Variants in SOS2 observed in about 807,000 individuals in gnomAD.
SOS2 encodes son of sevenless homolog 2.
SOS2 carries 65 observed loss-of-function variants against 148.2 expected under a neutral mutation model. The ratio of observed to expected loss-of-function variants is 0.44; its 90% confidence interval spans 0.36 to 0.54. SOS2 has a LOEUF of 0.54. Ranked by LOEUF, SOS2 falls within the 20% of genes least tolerant of loss-of-function variation. The pLI, the probability that SOS2 is intolerant of heterozygous loss-of-function variation, is 0.00. For missense variants in SOS2, 1,341 were observed against 1,590.2 expected (o/e 0.84, Z 2.67); for synonymous variants, 539 against 537.1 (o/e 1.00, Z -0.05).
intron 11 of SOS2, 57 bp from the exon 12 acceptor site, chr14:50,157,178 G>A (rs1884848963): frequency 2.6e-6 from 4 of 1,568,392 alleles, no homozygotes; most frequent in Non-Finnish European, 3.4e-6. Context: ...AATACAAGGA[G>A]GAAAACAGCA....
Position 50,178,647 on chromosome 14 carries a change from A to AGTGT in SOS2, c.969+1921_969+1924dup, listed in dbSNP as rs1291991897. Among the ~76,000 whole-genome samples the AGTGT allele has an allele frequency of 1.1e-4, 10 of 89,232 alleles. No individual in the cohort carries two copies. In the South Asian group the frequency reaches 2.6e-3, roughly 23 times the overall value. The allele number at this position is 89,232 out of a possible 152,430, so 58.5% of individuals were successfully genotyped here. ...ACAGGTGTGCACCACCATGCCCGCT[A>AGTGT]GTGTGTGTGTGTGTGTGTGTGTGCA... is the stretch of plus-strand genomic sequence containing the variant. On this transcript the variant is annotated intron_variant, in intron 7 of 22. Coordinates refer to ENST00000216373, the MANE Select transcript of SOS2 (RefSeq NM_006939.4).
chr14:50,164,447 A>G (rs769255774), intron 8 of SOS2, among the ~76,000 whole-genome samples: 1 of 151,840 alleles, frequency 6.6e-6, no homozygotes, highest in African/African-American at 2.4e-5. Context: ...CCCCCGCAAA[A>G]AAATGAAAAT....
At chr14:50,171,121 A>AAAAAAG (rs1054758491) in intron 8 of SOS2, among the ~76,000 whole-genome samples, 5 of 152,070 alleles carry the variant, frequency 3.3e-5, no homozygotes, top group African/African-American at 9.6e-5. Flanking sequence ...TCTCAAAAAA[A>AAAAAAG]AAAAAGAAAA....
Position 50,118,398 on chromosome 14 carries a change from C to G in SOS2, c.3945G>C (p.Ser1315=). 1 of 1,613,966 alleles carries G rather than the reference C, an allele frequency of 6.2e-7. No homozygotes were observed. Among genetic ancestry groups the G allele is most frequent in the Non-Finnish European group, 8.5e-7 (1 of 1,179,984 alleles). The change falls in exon 23 of 23, where the codon TCG becomes TCC. Residue 1315 remains serine (S), a synonymous_variant. Transcript: ENST00000216373. ...AAGGCAGTCTGTACAATGGGGGGTG[C>G]GAAAGCTCCCGTTTGTAAGTCTTTG... is the stretch of plus-strand genomic sequence containing the variant. ...LPPKTYKREL[S]HPPLYRLPLL...
intron 4 of SOS2, among the ~76,000 whole-genome samples, chr14:50,197,148 T>C (rs983102594): frequency 1.3e-5 from 2 of 152,116 alleles, no homozygotes; most frequent in Non-Finnish European, 2.9e-5. Context: ...CCACGGTGCC[T>C]GGCCTACAAC....
chr14:50,144,849 T>A (rs1469660616), intron 16 of SOS2, among the ~76,000 whole-genome samples: 2 of 152,234 alleles, frequency 1.3e-5, no homozygotes, highest in Non-Finnish European at 2.9e-5. Flanking sequence ...CATTTGAGAC[T>A]ATCAATCAAT....
At chr14:50,187,035 G>A (rs74915587) in intron 5 of SOS2, among the ~76,000 whole-genome samples, 1,897 of 152,134 alleles carry the variant, frequency 0.012, 50 homozygotes, top group African/African-American at 0.041. Flanking sequence ...TTTTTGAGCC[G>A]AGGTCTTGCT....
chr14:50,147,089 T>C (rs1884507268), intron 14 of SOS2, among the ~76,000 whole-genome samples: 1 of 151,472 alleles, frequency 6.6e-6, no homozygotes, highest in Admixed American at 6.6e-5. Context: ...TTCCTGCTAC[T>C]GAGAGACTGA....
chr14:50,178,688 A>G (rs1269320788), intron 7 of SOS2, among the ~76,000 whole-genome samples: 2,237 of 14,670 alleles, frequency 0.15, 110 homozygotes, highest in African/African-American at 0.29. Flanking sequence ...ATATATATAT[A>G]TATATATATA....
intron 1 of SOS2, among the ~76,000 whole-genome samples, chr14:50,207,383 T>C (rs922409718): frequency 1.3e-5 from 2 of 152,010 alleles, no homozygotes; most frequent in African/African-American, 4.8e-5. Flanking sequence ...TGGTGGCATA[T>C]GCCTGTAGTC....
chr14:50,154,783 C>A (rs1256511115), intron 12 of SOS2, among the ~76,000 whole-genome samples: 2 of 152,122 alleles, frequency 1.3e-5, no homozygotes, highest in African/African-American at 2.4e-5. Context: ...TGCCTTTGGG[C>A]AGTGGGAACA....
At chr14:50,198,250 G>A (rs1886375889) in intron 4 of SOS2, among the ~76,000 whole-genome samples, 1 of 151,720 alleles carries the variant, frequency 6.6e-6, no homozygotes, top group Non-Finnish European at 1.5e-5. Flanking sequence ...CTTGTTTATA[G>A]GACATACTAT....
At chr14:50,178,705 T>TTC (rs1885619569) in intron 7 of SOS2, among the ~76,000 whole-genome samples, 2 of 129,380 alleles carry the variant, frequency 1.5e-5, no homozygotes, top group African/African-American at 6.1e-5. Context: ...TATATATATA[T>TTC]ATATATACAC....
intron 18 of SOS2, among the ~76,000 whole-genome samples, chr14:50,137,553 T>C (rs1462486212): frequency 6.6e-6 from 1 of 152,238 alleles, no homozygotes; most frequent in Non-Finnish European, 1.5e-5. Context: ...GAATGTCTAA[T>C]GTTTAACATG....
chr14:50,122,296 T>C (rs1035422305), intron 21 of SOS2, among the ~76,000 whole-genome samples: 3 of 152,056 alleles, frequency 2.0e-5, no homozygotes, highest in Admixed American at 2.0e-4. Context: ...CACACAACCT[T>C]TACTGCTCTT....
intron 19 of SOS2, among the ~76,000 whole-genome samples, chr14:50,133,798 A>G (rs1202527912): frequency 1.3e-5 from 2 of 152,018 alleles, no homozygotes; most frequent in Non-Finnish European, 2.9e-5. Flanking sequence ...ACCAAAATAC[A>G]TTTGCTTACT....
intron 4 of SOS2, among the ~76,000 whole-genome samples, chr14:50,190,299 CTTCA>C (rs1886086900): frequency 6.6e-6 from 1 of 152,084 alleles, no homozygotes; most frequent in Non-Finnish European, 1.5e-5. Flanking sequence ...AAAGTAAAAA[CTTCA>C]AAGGGATGAG....
At chr14:50,223,109 C>T (rs1056486645) in intron 1 of SOS2, among the ~76,000 whole-genome samples, 7 of 152,110 alleles carry the variant, frequency 4.6e-5, no homozygotes, top group Non-Finnish European at 7.3e-5. Context: ...TCAAGAATAA[C>T]TTAAGATTTT....
chr14:50,182,708 A>G, intron 5 of SOS2, 102 bp from the exon 6 acceptor site: 1 of 844,794 alleles, frequency 1.2e-6, no homozygotes, highest in Non-Finnish European at 1.8e-6. Flanking sequence ...CAGACTGCCT[A>G]TGGAATAGCC....
Sources: allele counts gnomAD v4.1 joint callset (sites outside exome capture counted in the v4.1 genomes callset), GRCh38; gene constraint gnomAD v4.1.1; transcripts MANE v1.5; gene names NCBI Gene and HGNC (gene_info 2026-07-23, HGNC 2026-07-21).